The following RASAL2 variants were observed in gnomAD, a reference collection of about 807,000 sequenced individuals.
RASAL2 encodes RAS protein activator like 2, also known as ras GTPase-activating protein nGAP.
In RASAL2, 58 loss-of-function variants were observed where a neutral mutation model predicts 128.9. That is an observed-to-expected ratio of 0.45 (90% CI 0.36 to 0.56). The LOEUF is 0.56. RASAL2 is among the 20% of genes least tolerant of loss of function. The pLI, the probability that RASAL2 is intolerant of heterozygous loss-of-function variation, is 0.00. For synonymous variants in RASAL2, 561 were observed against 580.8 expected (o/e 0.97, Z 0.49); for missense variants, 1,360 against 1,601.6 (o/e 0.85, Z 2.57).
At chr1:178,363,969 A>G (rs367741653) in intron 3 of RASAL2, among the ~76,000 whole-genome samples, 203 of 151,864 alleles carry the variant, frequency 1.3e-3, no homozygotes, top group African/African-American at 4.7e-3. Context: ...GGTGGCAGGC[A>G]CCTGTAGTCC....
At chr1:178,431,868 T>C (rs182545987) in intron 5 of RASAL2, among the ~76,000 whole-genome samples, 6 of 147,246 alleles carry the variant, frequency 4.1e-5, no homozygotes, top group African/African-American at 1.3e-4. Context: ...TTAAATAAAT[T>C]ATGTATATTA....
chr1:178,363,860 G>C (rs934062638), intron 3 of RASAL2, among the ~76,000 whole-genome samples: 2 of 152,274 alleles, frequency 1.3e-5, no homozygotes, highest in Non-Finnish European at 2.9e-5. Flanking sequence ...ACTTTGGGAG[G>C]CTGAGGCGGG....
At chr1:178,449,604 T>A (rs957456720) in intron 9 of RASAL2, among the ~76,000 whole-genome samples, 23 of 152,160 alleles carry the variant, frequency 1.5e-4, no homozygotes, top group African/African-American at 5.5e-4. Context: ...GTGGGTTTTT[T>A]AATCTGTGTT....
rs1406254044 is a variant in RASAL2 at position 178,317,270 on chromosome 1, C to G, written c.457+17152C>G. On this transcript the variant is annotated intron_variant, in intron 3 of 17. Coordinates refer to ENST00000367649, the MANE Select transcript of RASAL2 (RefSeq NM_170692.4). Reference sequence around the variant, plus strand: ...AAAATTCTCTTTTTTGGTTGTGTCTCTGCCCGGCTTTGGTATCAGAATGAT... The same window carrying G: ...AAAATTCTCTTTTTTGGTTGTGTCTGTGCCCGGCTTTGGTATCAGAATGAT... Among the ~76,000 whole-genome samples the G allele has an allele frequency of 5.6e-5, 8 of 142,360 alleles. No individual in the cohort carries two copies. The East Asian group carries it at 1.2e-3, about 21-fold the overall frequency. The allele number at this position is 142,360 out of a possible 152,430, so 93.4% of individuals were successfully genotyped here.
At chr1:178,248,260 G>T (rs1483149550) in intron 1 of RASAL2, among the ~76,000 whole-genome samples, 1 of 152,138 alleles carries the variant, frequency 6.6e-6, no homozygotes, top group African/African-American at 2.4e-5. Flanking sequence ...CTCCTGTATT[G>T]ACTGCTTATA....
At chr1:178,255,040 TCCAAAAAAAC>T (rs1234626625) in intron 1 of RASAL2, among the ~76,000 whole-genome samples, 3 of 150,246 alleles carry the variant, frequency 2.0e-5, no homozygotes, top group Non-Finnish European at 3.0e-5. Context: ...CCGGAAAAAA[TCCAAAAAAAC>T]CCAAAAAAAC....
intron 3 of RASAL2, among the ~76,000 whole-genome samples, chr1:178,322,793 G>A (rs1246748388): frequency 6.6e-6 from 1 of 152,144 alleles, no homozygotes; most frequent in Non-Finnish European, 1.5e-5. Context: ...TCTATAAGAT[G>A]AGGTTCAAAT....
chr1:178,334,562 C>G (rs904784308), intron 3 of RASAL2, among the ~76,000 whole-genome samples: 1 of 152,068 alleles, frequency 6.6e-6, no homozygotes, highest in Non-Finnish European at 1.5e-5. Context: ...AGGCTGGTCT[C>G]GAACTCCTGA....
chr1:178,432,856 T>C (rs950381972), intron 5 of RASAL2, among the ~76,000 whole-genome samples: 7 of 152,096 alleles, frequency 4.6e-5, no homozygotes, highest in African/African-American at 1.7e-4. Flanking sequence ...GGTTTCTAGG[T>C]CTTTCATTTC....
At position 178,097,712 on chromosome 1, in the gene RASAL2, A is replaced by G. The variant is rs544693586; in HGVS notation, c.202+3018A>G. Among the ~76,000 whole-genome samples the G allele has an allele frequency of 2.0e-5, 3 of 152,300 alleles. No individual in the cohort carries two copies. The South Asian group carries it at 6.2e-4, about 32-fold the overall frequency. On this transcript the variant is annotated intron_variant, in intron 1 of 17. Coordinates refer to ENST00000367649, the MANE Select transcript of RASAL2 (RefSeq NM_170692.4). ...GAAATCATGATGGGAACAAACAACA[A>G]CAGAAGTAACCCCCCAAAGAATATC...
At chr1:178,159,555 A>G (rs886536153) in intron 1 of RASAL2, among the ~76,000 whole-genome samples, 3 of 152,194 alleles carry the variant, frequency 2.0e-5, no homozygotes, top group African/African-American at 7.2e-5. Context: ...GTTCTTTTCT[A>G]AAATGCTCTC....
intron 1 of RASAL2, among the ~76,000 whole-genome samples, chr1:178,117,174 A>G (rs1218181649): frequency 1.3e-5 from 2 of 152,160 alleles, no homozygotes; most frequent in Non-Finnish European, 2.9e-5. Flanking sequence ...ATTCCCTTAT[A>G]CTTTCTCTAC....
intron 1 of RASAL2, among the ~76,000 whole-genome samples, chr1:178,165,485 A>C (rs999738707): frequency 1.3e-5 from 2 of 152,182 alleles, no homozygotes; most frequent in African/African-American, 4.8e-5. Flanking sequence ...AGCAAATTCT[A>C]TGCCATTTTA....
At chr1:178,228,028 T>C (rs922268895) in intron 1 of RASAL2, among the ~76,000 whole-genome samples, 1 of 152,232 alleles carries the variant, frequency 6.6e-6, no homozygotes, top group Non-Finnish European at 1.5e-5. Context: ...AGATTAAGGA[T>C]AAAGCTTAGA....
rs143461585 is a variant in RASAL2 at position 178,369,379 on chromosome 1, G to A, written c.458-20721G>A. 5.5e-3 allele frequency among the ~76,000 whole-genome samples: 839 copies of A among 151,978 alleles called. 8 individuals are homozygous for A. The highest frequency in any genetic ancestry group is 0.019 in the African/African-American group (799 of 41,434). ...TGGGATTACAGGCGTGCACCACCAC[G>A]CCTGGCTAGTTTTTTTGTATTTTTA... On this transcript the variant is annotated intron_variant, in intron 3 of 17. Transcript: ENST00000367649.
chr1:178,417,976 C>A (rs1674880543), intron 4 of RASAL2, among the ~76,000 whole-genome samples: 1 of 152,010 alleles, frequency 6.6e-6, no homozygotes, highest in African/African-American at 2.4e-5. Context: ...TTGCTAGCTA[C>A]ATTTATTAGC....
At chr1:178,313,719 C>T (rs532379093) in intron 3 of RASAL2, among the ~76,000 whole-genome samples, 6 of 152,170 alleles carry the variant, frequency 3.9e-5, no homozygotes, top group East Asian at 1.9e-4. Context: ...ACATTGATGA[C>T]GACAGGTGGG....
At chr1:178,384,487 C>T (rs969193644) in intron 3 of RASAL2, among the ~76,000 whole-genome samples, 1 of 152,090 alleles carries the variant, frequency 6.6e-6, no homozygotes, top group Non-Finnish European at 1.5e-5. Flanking sequence ...AGGCCCAGTA[C>T]TTAGCACATA....
intron 4 of RASAL2, chr1:178,411,540 A>G: frequency 1.7e-6 from 1 of 600,318 alleles, no homozygotes; most frequent in Non-Finnish European, 3.0e-6. Context: ...TTCCCCTAAA[A>G]CTATTGAATA....
Sources: allele counts gnomAD v4.1 joint callset (sites outside exome capture counted in the v4.1 genomes callset), GRCh38; gene constraint gnomAD v4.1.1; transcripts MANE v1.5; gene names NCBI Gene and HGNC (gene_info 2026-07-23, HGNC 2026-07-21).